Variants in CD109 observed in about 807,000 individuals in gnomAD.
CD109 encodes CD109 antigen.
CD109 carries 149 observed loss-of-function variants against 165.8 expected under a neutral mutation model. That is an observed-to-expected ratio of 0.90 (90% CI 0.79 to 1.03). The LOEUF is 1.03. Among genes scored for constraint, CD109 ranks in the 50% least tolerant of loss-of-function variants. The pLI is 0.00. For synonymous variants in CD109, 585 were observed against 592.1 expected (o/e 0.99, Z 0.18); for missense variants, 1,712 against 1,677.8 (o/e 1.02, Z -0.36).
At position 73,766,988 on chromosome 6, in the gene CD109, G is replaced by C; in HGVS notation, c.1475G>C (p.Arg492Pro). ...PFELVVSGNK[R>P]LKELSYMVVS... ...GAGTTGGTGGTTAGTGGCAACAAACGATTGAAGGAGTTAAGCTATATGGTA... is the reference window on the plus strand; with the variant it reads ...GAGTTGGTGGTTAGTGGCAACAAACCATTGAAGGAGTTAAGCTATATGGTA... Residue 492 changes from arginine (R) to proline (P), a missense_variant, in exon 13 of 33, where the codon CGA (arginine) becomes CCA (proline). Coordinates refer to ENST00000287097, the MANE Select transcript of CD109 (RefSeq NM_133493.5). The C allele has an allele frequency of 6.2e-7, 1 of 1,613,390 alleles. No homozygotes were observed. Among genetic ancestry groups the C allele is most frequent in the Non-Finnish European group, 8.5e-7 (1 of 1,179,628 alleles).
At chr6:73,701,786 GA>G (rs1554167766) in intron 2 of CD109, among the ~76,000 whole-genome samples, 1 of 152,004 alleles carries the variant, frequency 6.6e-6, no homozygotes, top group Non-Finnish European at 1.5e-5. Context: ...CCTGATTTAA[GA>G]AAAAATGCTA....
chr6:73,729,335 AGTGT>A (rs142514181), intron 3 of CD109, among the ~76,000 whole-genome samples: 8,829 of 148,306 alleles, frequency 0.06, 297 homozygotes, highest in African/African-American at 0.1. Context: ...ACCACATCAA[AGTGT>A]GTGTGTGTGT....
intron 5 of CD109, among the ~76,000 whole-genome samples, chr6:73,752,604 A>C (rs1373620848): frequency 6.6e-6 from 1 of 152,186 alleles, no homozygotes; most frequent in African/African-American, 2.4e-5. Flanking sequence ...TCTTACATCC[A>C]GTAGAAACAG....
chr6:73,768,479 T>A (rs1411152462), intron 14 of CD109, among the ~76,000 whole-genome samples: 2 of 152,250 alleles, frequency 1.3e-5, no homozygotes, highest in Admixed American at 1.3e-4. Flanking sequence ...ACTCAGATCA[T>A]GAAGCTGTTT....
rs1404889688 is a variant in CD109, at chr6:73,825,807, G to C, written c.*2174G>C. ...AGCCTGGCCAATATGGTGAAACCCCGTCCCTACTAAAAATACAAAATTTAG... is the reference window on the plus strand; with the variant it reads ...AGCCTGGCCAATATGGTGAAACCCCCTCCCTACTAAAAATACAAAATTTAG... On this transcript the variant is annotated 3_prime_UTR_variant, in exon 33 of 33. Coordinates refer to ENST00000287097, the MANE Select transcript of CD109 (RefSeq NM_133493.5). 6.6e-6 allele frequency: 1 copy of C among 151,936 alleles called. No individual in the cohort carries two copies. Among genetic ancestry groups the C allele is most frequent in the Non-Finnish European group, 1.5e-5 (1 of 68,006 alleles). The allele number at this position is 151,936 out of a possible 1,614,324, so 9.4% of individuals were successfully genotyped here.
Position 73,814,998 on chromosome 6 carries a change from T to C in CD109, c.3786T>C (p.Asn1262=). 6.4e-7 allele frequency: 1 copy of C among 1,559,122 alleles called. No homozygotes were observed. Among genetic ancestry groups the C allele is most frequent in the Non-Finnish European group, 8.6e-7 (1 of 1,163,124 alleles). ...FAICQLNVVY[N]VKASGSSRRR... ...TTTTACAGCTCAATGTTGTATATAATGTGAAGGCTTCTGGGTCTTCTAGAA... is the reference window on the plus strand; with the variant it reads ...TTTTACAGCTCAATGTTGTATATAACGTGAAGGCTTCTGGGTCTTCTAGAA... Residue 1262 remains asparagine (N), a synonymous_variant, in exon 30 of 33, where the codon AAT becomes AAC. Transcript: ENST00000287097.
chr6:73,761,464 A>G lies in CD109; in HGVS notation c.759-920A>G, dbSNP rs572157583. Among the ~76,000 whole-genome samples the G allele has an allele frequency of 4.6e-5, 7 of 152,332 alleles. No homozygotes were observed. In the South Asian group the frequency reaches 1.0e-3, roughly 23 times the overall value. ...GTGTTAAGAACTGTTTTAAGCTACT[A>G]TAGTTAAAAGTCTTCCCATTTTGGA... On this transcript the variant is annotated intron_variant, in intron 7 of 32. Coordinates refer to ENST00000287097, the MANE Select transcript of CD109 (RefSeq NM_133493.5).
chr6:73,820,603 G>A (rs1327376211), intron 32 of CD109, 40 bp downstream of exon 32: 1 of 1,192,052 alleles, frequency 8.4e-7, no homozygotes, highest in Non-Finnish European at 1.2e-6. Context: ...TAGAAATTAA[G>A]CCAGGCATTC....
rs779915655 is a variant in CD109 at position 73,717,611 on chromosome 6, C to CTTT, written c.248-5616_248-5614dup. Among the ~76,000 whole-genome samples the CTTT allele has an allele frequency of 2.5e-4, 19 of 74,812 alleles. 3 individuals carry two copies. Among genetic ancestry groups the CTTT allele is most frequent in the African/African-American group, 6.7e-4 (13 of 19,338 alleles). 49.1% of individuals were successfully genotyped at this position (74,812 alleles called of 152,430 possible). A position where few individuals can be genotyped will look rare whatever the true frequency, so the allele number is the denominator to read the frequency against. ...CTGGCATATAGAAATTCTACTGATT[C>CTTT]TTTTTTTTTTTTTTTTTTTTTTTTT... is the stretch of plus-strand genomic sequence containing the variant. On this transcript the variant is annotated intron_variant, in intron 2 of 32. Coordinates refer to ENST00000287097, the MANE Select transcript of CD109 (RefSeq NM_133493.5).
intron 25 of CD109, 32 bp downstream of exon 25, chr6:73,807,104 T>C: frequency 6.5e-7 from 1 of 1,548,738 alleles, no homozygotes; most frequent in South Asian, 1.1e-5. Flanking sequence ...AAATGATAGA[T>C]GGGAAATTCA....
chr6:73,715,970 C>A (rs1165782508), intron 2 of CD109, among the ~76,000 whole-genome samples: 1 of 152,182 alleles, frequency 6.6e-6, no homozygotes, highest in Non-Finnish European at 1.5e-5. Context: ...ACTCTTATCT[C>A]CATTATTAGT....
chr6:73,751,976 G>A (rs754234199), intron 5 of CD109, among the ~76,000 whole-genome samples: 5 of 152,290 alleles, frequency 3.3e-5, no homozygotes, highest in East Asian at 3.9e-4. Context: ...GGGGCTAAAC[G>A]CAAAACTGAG....
At chr6:73,702,851 T>C (rs1174670493) in intron 2 of CD109, among the ~76,000 whole-genome samples, 1 of 152,238 alleles carries the variant, frequency 6.6e-6, no homozygotes, top group Admixed American at 6.5e-5. Context: ...ATGGTAGCTA[T>C]TGTTACTAGA....
intron 6 of CD109, 81 bp from the exon 7 acceptor site, chr6:73,758,863 G>A (rs2150217928): frequency 1.4e-6 from 1 of 734,368 alleles, no homozygotes; most frequent in East Asian, 2.6e-5. Context: ...AGATGATAGT[G>A]AAGTAGATTC....
rs1776223791 is a variant in CD109 at position 73,824,839 on chromosome 6, T to C, written c.*1206T>C. ...TTCTCTCTTTTCTTTCCTTCTCCCT[T>C]TCTTCTTTGCCTTCTAAATATACTG... On this transcript the variant is annotated 3_prime_UTR_variant, in exon 33 of 33. Coordinates refer to ENST00000287097, the MANE Select transcript of CD109 (RefSeq NM_133493.5). The C allele has an allele frequency of 1.3e-5, 2 of 152,180 alleles. No individual in the cohort carries two copies. Among genetic ancestry groups the C allele is most frequent in the South Asian group, 4.1e-4 (2 of 4,828 alleles). The allele number at this position is 152,180 out of a possible 1,614,324, so 9.4% of individuals were successfully genotyped here.
the CD109 span, among the ~76,000 whole-genome samples, chr6:73,690,213 T>C: frequency 1.3e-5 from 2 of 152,240 alleles, no homozygotes; most frequent in Non-Finnish European, 2.9e-5. Context: ...AGAAGTTCTC[T>C]CTTCATTTTT....
rs974946299 is a variant in CD109 at position 73,825,057 on chromosome 6, G to T, written c.*1424G>T. On this transcript the variant is annotated 3_prime_UTR_variant, in exon 33 of 33. Coordinates refer to ENST00000287097, the MANE Select transcript of CD109 (RefSeq NM_133493.5). ...TCCATCAAAAATAAAGTATGCAAAT[G>T]TATCTTTTAAAGTTAATTTTTAAAA... is the stretch of plus-strand genomic sequence containing the variant. 6.6e-6 allele frequency: 1 copy of T among 152,024 alleles called. No homozygotes were observed. Among genetic ancestry groups the T allele is most frequent in the Non-Finnish European group, 1.5e-5 (1 of 68,018 alleles). 9.4% of individuals were successfully genotyped at this position (152,024 alleles called of 1,614,324 possible).
the CD109 span, among the ~76,000 whole-genome samples, chr6:73,681,665 C>T: frequency 6.6e-6 from 1 of 151,640 alleles, no homozygotes; most frequent in African/African-American, 2.4e-5. Context: ...TGCAATGGTA[C>T]AATCTGGGCT....
chr6:73,689,950 T>G, the CD109 span, among the ~76,000 whole-genome samples: 2 of 152,226 alleles, frequency 1.3e-5, no homozygotes, highest in South Asian at 4.1e-4. Context: ...TCTTTTATTC[T>G]GTTATAAATC....
Sources: gnomAD v4.1 joint callset for allele counts (sites outside exome capture counted in the v4.1 genomes callset) on GRCh38, gnomAD v4.1.1 for gene constraint, MANE v1.5 for transcripts, NCBI Gene and HGNC (gene_info 2026-07-23, HGNC 2026-07-21) for gene names.